MEIS2: variants seen among roughly 807,000 people sequenced by gnomAD.
The protein encoded by MEIS2 is homeobox protein Meis2.
A neutral mutation model predicts 58.6 loss-of-function variants in MEIS2; 9 were observed. That is an observed-to-expected ratio of 0.15 (90% CI 0.09 to 0.27). The LOEUF (loss-of-function observed/expected upper bound fraction) is 0.27. Ranked by LOEUF, MEIS2 falls within the 10% of genes least tolerant of loss-of-function variation. MEIS2 has a pLI of 1.00. For missense variants in MEIS2, 427 were observed against 635.0 expected (o/e 0.67, Z 3.52); for synonymous variants, 221 against 228.4 (o/e 0.97, Z 0.29).
chr15:37,099,514 C>T lies in MEIS2; in HGVS notation c.-48G>A, dbSNP rs754765192. On this transcript the variant is annotated 5_prime_UTR_variant, in exon 1 of 12. Coordinates refer to ENST00000561208, the MANE Select transcript of MEIS2 (RefSeq NM_170675.5). ...CTGGATGTGTCGTATATTTAATATCCCAGTCCGGATAAGAAAGTGATCTAG... is the reference window on the plus strand; with the variant it reads ...CTGGATGTGTCGTATATTTAATATCTCAGTCCGGATAAGAAAGTGATCTAG... 9.9e-6 allele frequency: 16 copies of T among 1,612,788 alleles called. No homozygotes were observed. Among genetic ancestry groups the T allele is most frequent in the Non-Finnish European group, 1.4e-5 (16 of 1,179,616 alleles).
intron 7 of MEIS2, among the ~76,000 whole-genome samples, chr15:37,049,251 G>T (rs572538541): frequency 6.6e-6 from 1 of 152,226 alleles, no homozygotes; most frequent in South Asian, 2.1e-4. Flanking sequence ...GCCTATACAG[G>T]AAAGAACAGC....
intron 8 of MEIS2, among the ~76,000 whole-genome samples, chr15:36,978,675 C>T (rs1379692192): frequency 6.6e-6 from 1 of 152,168 alleles, no homozygotes; most frequent in Non-Finnish European, 1.5e-5. Context: ...CTTTTTCTTT[C>T]CATACTTATT....
In MEIS2 at chr15:37,095,606, G is replaced by A. The variant is rs1286820299; in HGVS notation, c.396C>T (p.Ala132=). ...GATTTGAGGAAAAAAGTGGCTTTTC[G>A]GCGCGAACCTGTAAGAAACAGAGAG... ...DIAVFAKQVR[A]EKPLFSSNPE... is the part of the protein sequence containing the mutation. The change falls in exon 4 of 12, where the codon GCC becomes GCT. Residue 132 remains alanine, a synonymous_variant. Coordinates refer to ENST00000561208, the MANE Select transcript of MEIS2 (RefSeq NM_170675.5). 6.2e-7 allele frequency: 1 copy of A among 1,614,048 alleles called. No individual in the cohort carries two copies. Among genetic ancestry groups the A allele is most frequent in the Non-Finnish European group, 8.5e-7 (1 of 1,180,046 alleles).
intron 8 of MEIS2, among the ~76,000 whole-genome samples, chr15:37,005,595 C>T (rs2060892943): frequency 6.6e-6 from 1 of 152,144 alleles, no homozygotes; most frequent in Admixed American, 6.5e-5. Flanking sequence ...ATAAGGTCTC[C>T]CTCTGTCAAC....
intron 9 of MEIS2, among the ~76,000 whole-genome samples, chr15:36,912,054 G>C (rs961611909): frequency 1.3e-5 from 2 of 151,772 alleles, no homozygotes; most frequent in Non-Finnish European, 2.9e-5. Flanking sequence ...TAAGCCCTAG[G>C]GGGGATAAAA....
intron 8 of MEIS2, among the ~76,000 whole-genome samples, chr15:37,011,854 G>A (rs1392043378): frequency 3.3e-5 from 5 of 152,066 alleles, no homozygotes; most frequent in Non-Finnish European, 5.9e-5. Context: ...TCCTGACCTC[G>A]TGATCTGCCC....
chr15:36,942,334 T>G (rs548633875), intron 9 of MEIS2, among the ~76,000 whole-genome samples: 40 of 152,314 alleles, frequency 2.6e-4, no homozygotes, highest in Non-Finnish European at 5.3e-4. Flanking sequence ...CTATGTATTT[T>G]TCTACCCAGG....
At chr15:36,909,749 T>C (rs560145017) in intron 9 of MEIS2, among the ~76,000 whole-genome samples, 155 of 150,110 alleles carry the variant, frequency 1.0e-3, no homozygotes, top group Non-Finnish European at 1.9e-3. Context: ...GCAGGCAATA[T>C]GCACAGTCCG....
chr15:37,018,634 G>A (rs1051401134), intron 8 of MEIS2, among the ~76,000 whole-genome samples: 1 of 152,150 alleles, frequency 6.6e-6, no homozygotes, highest in Non-Finnish European at 1.5e-5. Context: ...CTAGAATTTA[G>A]ACTTCTTGAA....
At chr15:37,095,770 C>T (rs3751544) in intron 3 of MEIS2, 156 bp from the exon 4 acceptor site, 488,763 of 1,021,436 alleles carry the variant, frequency 0.48, 120,772 homozygotes, top group Admixed American at 0.56. Flanking sequence ...TAGTGGAGTC[C>T]CTGAAGAAGA....
chr15:36,895,392 G>T, intron 10 of MEIS2, 131 bp from the exon 11 acceptor site: 1 of 705,730 alleles, frequency 1.4e-6, no homozygotes, highest in Non-Finnish European at 2.4e-6. Context: ...TGGGGGTGTG[G>T]TTTGTCTGAG....
intron 1 of MEIS2, 52 bp from the exon 2 acceptor site, chr15:37,098,251 G>C (rs1894569670): frequency 6.7e-7 from 1 of 1,493,798 alleles, no homozygotes; most frequent in Non-Finnish European, 9.0e-7. Flanking sequence ...GGAGAACAGA[G>C]GAGGGGGGTG....
Position 37,023,773 on chromosome 15 carries a change from A to C in MEIS2, c.900+13041T>G, listed in dbSNP as rs772880127. 2.0e-5 allele frequency among the ~76,000 whole-genome samples: 3 copies of C among 152,236 alleles called. No homozygotes were observed. In the South Asian group the frequency reaches 6.2e-4, roughly 32 times the overall value. On this transcript the variant is annotated intron_variant, in intron 8 of 11. Coordinates refer to ENST00000561208, the MANE Select transcript of MEIS2 (RefSeq NM_170675.5). ...TAATTCACTCTCCATCACCCTCGCCACAGTTCCTAGTCATAAGTGAAGAGA... is the reference window on the plus strand; with the variant it reads ...TAATTCACTCTCCATCACCCTCGCCCCAGTTCCTAGTCATAAGTGAAGAGA...
intron 9 of MEIS2, among the ~76,000 whole-genome samples, chr15:36,949,345 G>A (rs1278412311): frequency 2.0e-5 from 3 of 151,952 alleles, no homozygotes; most frequent in African/African-American, 4.8e-5. Flanking sequence ...ATCAGGCAGC[G>A]AGCCTGATAA....
At chr15:37,101,158 G>A (rs1224197181), upstream of MEIS2, 1 of 151,974 alleles carries the variant, frequency 6.6e-6, no homozygotes, top group African/African-American at 2.4e-5. Context: ...TTTTTTTCCA[G>A]GACCAGAAGA....
intron 9 of MEIS2, among the ~76,000 whole-genome samples, chr15:36,906,913 C>T (rs186524026): frequency 2.0e-5 from 3 of 152,230 alleles, no homozygotes; most frequent in African/African-American, 4.8e-5. Context: ...GTGGTCAAGG[C>T]CTTGTTTCTA....
chr15:37,079,095 G>T (rs911958942), intron 7 of MEIS2, among the ~76,000 whole-genome samples: 1 of 152,046 alleles, frequency 6.6e-6, no homozygotes, highest in Admixed American at 6.6e-5. Flanking sequence ...TTTGCTGATG[G>T]TTAAAGAATG....
chr15:37,054,305 A>G (rs1458330645), intron 7 of MEIS2, among the ~76,000 whole-genome samples: 1 of 152,214 alleles, frequency 6.6e-6, no homozygotes, highest in African/African-American at 2.4e-5. Flanking sequence ...GTAGAAATAA[A>G]TTCTAAAAAT....
intron 8 of MEIS2, among the ~76,000 whole-genome samples, chr15:37,032,474 A>C (rs191274975): frequency 6.6e-6 from 1 of 152,232 alleles, no homozygotes; most frequent in African/African-American, 2.4e-5. Context: ...GCTTACTTTT[A>C]TGATATCATA....
Sources: allele counts gnomAD v4.1 joint callset (sites outside exome capture counted in the v4.1 genomes callset), GRCh38; gene constraint gnomAD v4.1.1; transcripts MANE v1.5; gene names NCBI Gene and HGNC (gene_info 2026-07-23, HGNC 2026-07-21).